Variants in CMC1 observed in about 807,000 individuals in gnomAD.
The protein encoded by CMC1 is COX assembly mitochondrial protein homolog.
Under a neutral mutation model 14.1 loss-of-function variants are expected in CMC1, and 14 were observed. That is an observed-to-expected ratio of 0.99 (90% CI 0.66 to 1.55). The LOEUF is 1.55. Among genes scored for constraint, CMC1 ranks in the 40% most tolerant of loss-of-function variants. The pLI is 0.00. For synonymous variants in CMC1, 50 were observed against 38.4 expected (o/e 1.30, Z -1.12); for missense variants, 127 against 123.8 (o/e 1.03, Z -0.12).
chr3:28,291,363 C>T (rs1559428625), intron 2 of CMC1, among the ~76,000 whole-genome samples: 2 of 151,988 alleles, frequency 1.3e-5, no homozygotes, highest in Admixed American at 6.6e-5. Context: ...TTGCATTAAC[C>T]TTTTTTTCCC....
chr3:28,260,464 A>G (rs1699679819), intron 1 of CMC1, among the ~76,000 whole-genome samples: 1 of 151,572 alleles, frequency 6.6e-6, no homozygotes, highest in Non-Finnish European at 1.5e-5. Context: ...AATATTTATC[A>G]TTTCTGATGT....
intron 2 of CMC1, among the ~76,000 whole-genome samples, chr3:28,275,451 T>TG (rs1342699250): frequency 2.0e-5 from 3 of 150,916 alleles, no homozygotes; most frequent in Admixed American, 1.3e-4. Flanking sequence ...GTGTCACCAG[T>TG]GGAGGTTTCA....
At chr3:28,292,861 G>A (rs1291684985) in intron 2 of CMC1, 2 of 152,118 alleles carry the variant, frequency 1.3e-5, no homozygotes, top group Non-Finnish European at 2.9e-5. Flanking sequence ...TTGTTCTGTT[G>A]TACTTCATCA....
At chr3:28,309,821 CCACACACACACACA>C (rs57499697) in intron 2 of CMC1, among the ~76,000 whole-genome samples, 19 of 131,878 alleles carry the variant, frequency 1.4e-4, no homozygotes, top group African/African-American at 3.3e-4. Flanking sequence ...CTGATATTTA[CCACACACACACACA>C]CACACACACA....
In CMC1 at chr3:28,324,418, C is replaced by G; in HGVS notation, c.*4789C>G. On this transcript the variant is annotated 3_prime_UTR_variant, in exon 4 of 4. Transcript: ENST00000466830. ...CATCAAGTGCAGTTTTGTGCTGTCT[C>G]TTCCAAGGTCTTCACTGCATCCTAC... The G allele has an allele frequency of 6.5e-7, 1 of 1,528,920 alleles. No homozygotes were observed. Among genetic ancestry groups the G allele is most frequent in the Non-Finnish European group, 8.8e-7 (1 of 1,136,952 alleles). The allele number at this position is 1,528,920 out of a possible 1,614,324, so 94.7% of individuals were successfully genotyped here.
At chr3:28,263,429 G>A (rs756369053) in intron 2 of CMC1, 49 bp downstream of exon 2, 64 of 1,229,920 alleles carry the variant, frequency 5.2e-5, no homozygotes, top group Non-Finnish European at 7.2e-5. Context: ...TTAATAATAT[G>A]ATCTGAATTT....
At chr3:28,246,722 C>G (rs1698847014) in intron 1 of CMC1, among the ~76,000 whole-genome samples, 1 of 151,550 alleles carries the variant, frequency 6.6e-6, no homozygotes, top group Non-Finnish European at 1.5e-5. Context: ...CAATTAGTAA[C>G]TAATCTGTGG....
chr3:28,251,468 C>G (rs1412638896), intron 1 of CMC1, among the ~76,000 whole-genome samples: 1 of 152,152 alleles, frequency 6.6e-6, no homozygotes, highest in Non-Finnish European at 1.5e-5. Flanking sequence ...CACTGCCACA[C>G]TGGGGATCAG....
chr3:28,253,299 C>T (rs575907279), intron 1 of CMC1, among the ~76,000 whole-genome samples: 2 of 152,216 alleles, frequency 1.3e-5, no homozygotes, highest in Admixed American at 6.5e-5. Flanking sequence ...AGGGACCAGT[C>T]GGACGTGGCA....
intron 2 of CMC1, among the ~76,000 whole-genome samples, chr3:28,311,661 G>A (rs889669728): frequency 2.0e-5 from 3 of 152,170 alleles, no homozygotes; most frequent in African/African-American, 4.8e-5. Context: ...TGAGAGTGGC[G>A]CAGCACTTAG....
At position 28,323,792 on chromosome 3, in the gene CMC1, T is replaced by C; in HGVS notation, c.*4163T>C. The C allele has an allele frequency of 6.5e-6, 2 of 308,082 alleles. No individual in the cohort carries two copies. Among genetic ancestry groups the C allele is most frequent in the Non-Finnish European group, 1.2e-5 (2 of 169,372 alleles). The allele number at this position is 308,082 out of a possible 1,614,324, so 19.1% of individuals were successfully genotyped here. A position where few individuals can be genotyped will look rare whatever the true frequency, so the allele number is the denominator to read the frequency against. ...AGAAGGCAGAGTTTTTTAAACACCT[T>C]AAGTTTACTTATTAATTAGTATAGT... On this transcript the variant is annotated 3_prime_UTR_variant, in exon 4 of 4. Coordinates refer to ENST00000466830, the MANE Select transcript of CMC1 (RefSeq NM_182523.2).
At chr3:28,254,750 T>C (rs887005956) in intron 1 of CMC1, among the ~76,000 whole-genome samples, 2 of 152,206 alleles carry the variant, frequency 1.3e-5, no homozygotes, top group African/African-American at 4.8e-5. Context: ...GTTGTATAGA[T>C]GAAAATTATA....
intron 3 of CMC1, 43 bp from the exon 4 acceptor site, chr3:28,319,466 G>A (rs754970341): frequency 6.6e-7 from 1 of 1,524,882 alleles, no homozygotes; most frequent in Non-Finnish European, 9.0e-7. Flanking sequence ...TTTAACACAT[G>A]CAGGATTATT....
intron 1 of CMC1, among the ~76,000 whole-genome samples, chr3:28,256,187 A>G (rs948803905): frequency 2.5e-4 from 37 of 149,966 alleles, no homozygotes; most frequent in Non-Finnish European, 1.5e-4. Flanking sequence ...ACACATATGC[A>G]TATATGTGTG....
intron 2 of CMC1, among the ~76,000 whole-genome samples, chr3:28,290,972 G>C (rs1028396108): frequency 6.6e-6 from 1 of 151,814 alleles, no homozygotes; most frequent in African/African-American, 2.4e-5. Context: ...CCTTGACTGG[G>C]GAAGCATCTG....
intron 2 of CMC1, among the ~76,000 whole-genome samples, chr3:28,300,008 A>G (rs1052689026): frequency 2.6e-5 from 4 of 152,210 alleles, no homozygotes; most frequent in Admixed American, 2.6e-4. Flanking sequence ...TAGAACTGAA[A>G]GCATCGATTT....
rs1343600784 is a variant in CMC1 at position 28,270,925 on chromosome 3, T to TTC, written c.109+7546_109+7547insCT. Among the ~76,000 whole-genome samples the TTC allele has an allele frequency of 1.6e-3, 233 of 143,808 alleles. 3 individuals are homozygous for TTC. The highest frequency in any genetic ancestry group is 5.6e-3 in the African/African-American group (217 of 38,698). The allele number at this position is 143,808 out of a possible 152,430, so 94.3% of individuals were successfully genotyped here. ...AATTCATCTTGAGTTAATTTCTTTT[T>TTC]TTTTTTTTTTTTTTTTTGAGATGGA... On this transcript the variant is annotated intron_variant, in intron 2 of 3. Coordinates refer to ENST00000466830, the MANE Select transcript of CMC1 (RefSeq NM_182523.2).
intron 2 of CMC1, chr3:28,294,615 T>G (rs1470924260): frequency 5.1e-6 from 1 of 196,680 alleles, no homozygotes; most frequent in East Asian, 1.9e-4. Context: ...TGGAAACTCA[T>G]GTAGGCAAGT....
intron 2 of CMC1, among the ~76,000 whole-genome samples, chr3:28,268,509 GT>G (rs1450055155): frequency 6.6e-6 from 1 of 152,132 alleles, no homozygotes; most frequent in Admixed American, 6.6e-5. Context: ...TGCCTAACAT[GT>G]ACCAAAATTT....
Sources: gnomAD v4.1 joint callset for allele counts (sites outside exome capture counted in the v4.1 genomes callset) on GRCh38, gnomAD v4.1.1 for gene constraint, MANE v1.5 for transcripts, NCBI Gene and HGNC (gene_info 2026-07-23, HGNC 2026-07-21) for gene names.